The following SUGCT variants were observed in gnomAD, a reference collection of about 807,000 sequenced individuals.
SUGCT encodes succinyl-CoA:glutarate-CoA transferase, also known as succinyl-CoA:glutarate CoA-transferase.
In SUGCT, 41 loss-of-function variants were observed where a neutral mutation model predicts 55.0. That is an observed-to-expected ratio of 0.74 (90% CI 0.58 to 0.97). The LOEUF is 0.97. Ranked by LOEUF, SUGCT falls within the 50% of genes least tolerant of loss-of-function variation. SUGCT has a pLI of 0.00. For missense variants in SUGCT, 568 were observed against 547.8 expected, an observed-to-expected ratio of 1.04 and a Z score of -0.37; for synonymous variants, 187 against 200.4, an observed-to-expected ratio of 0.93 and a Z score of 0.56.
At chr7:40,887,358 C>T in the SUGCT span, among the ~76,000 whole-genome samples, 2 of 152,140 alleles carry the variant, frequency 1.3e-5, no homozygotes, top group African/African-American at 4.8e-5. Context: ...TAGGAAACTA[C>T]TGTAGTAGTA....
intron 12 of SUGCT, among the ~76,000 whole-genome samples, chr7:40,631,918 A>G (rs1211071396): frequency 6.6e-6 from 1 of 152,128 alleles, no homozygotes; most frequent in Admixed American, 6.6e-5. Flanking sequence ...ACTTTTGATA[A>G]TCCAGGGTCA....
intron 12 of SUGCT, 132 bp downstream of exon 12, chr7:40,496,518 G>A (rs1008803584): frequency 1.9e-5 from 13 of 685,172 alleles, no homozygotes; most frequent in Non-Finnish European, 3.1e-5. Context: ...TTGTTTGTGG[G>A]TCTGAGATAA....
At chr7:40,785,159 T>C (rs988008452) in intron 13 of SUGCT, 9 of 152,150 alleles carry the variant, frequency 5.9e-5, no homozygotes, top group African/African-American at 2.2e-4. Flanking sequence ...TACACAAAAT[T>C]GATATCAACC....
chr7:40,172,362 A>G (rs1386983832), intron 1 of SUGCT, among the ~76,000 whole-genome samples: 1 of 152,164 alleles, frequency 6.6e-6, no homozygotes, highest in Non-Finnish European at 1.5e-5. Flanking sequence ...GCCCATGTCA[A>G]GAGCTATATA....
intron 7 of SUGCT, among the ~76,000 whole-genome samples, chr7:40,272,355 T>C (rs1001008741): frequency 1.3e-5 from 2 of 149,604 alleles, no homozygotes; most frequent in Non-Finnish European, 3.0e-5. Flanking sequence ...TTTTGTATTT[T>C]TTGGTAGAGA....
the SUGCT span, among the ~76,000 whole-genome samples, chr7:41,010,330 T>C: frequency 6.6e-6 from 1 of 152,146 alleles, no homozygotes; most frequent in Non-Finnish European, 1.5e-5. Flanking sequence ...AAACACAAGC[T>C]TTGCCCAAAT....
chr7:40,829,538 T>C (rs953777193), intron 13 of SUGCT, among the ~76,000 whole-genome samples: 46 of 152,180 alleles, frequency 3.0e-4, no homozygotes, highest in African/African-American at 1.1e-3. Flanking sequence ...GTATTCAGCA[T>C]GTTTTGAAAT....
chr7:40,277,564 G>A (rs1792601740), intron 8 of SUGCT, among the ~76,000 whole-genome samples: 1 of 152,040 alleles, frequency 6.6e-6, no homozygotes, highest in Admixed American at 6.6e-5. Context: ...TTAAGGCAAA[G>A]AATATGTCTC....
At chr7:40,982,924 C>G in the SUGCT span, among the ~76,000 whole-genome samples, 449 of 152,328 alleles carry the variant, frequency 2.9e-3, 1 homozygote, top group Non-Finnish European at 4.6e-3. Context: ...TCTGGGATTA[C>G]AGGCATGAGC....
chr7:40,605,306 G>A (rs1214509772), intron 12 of SUGCT, among the ~76,000 whole-genome samples: 1 of 152,138 alleles, frequency 6.6e-6, no homozygotes, highest in Non-Finnish European at 1.5e-5. Context: ...CAGTTCAGTG[G>A]CACAATACAC....
At chr7:40,659,904 C>T (rs1801219092) in intron 12 of SUGCT, among the ~76,000 whole-genome samples, 1 of 152,146 alleles carries the variant, frequency 6.6e-6, no homozygotes, top group Admixed American at 6.5e-5. Flanking sequence ...CATTTCTCTT[C>T]TCTTCTTGTT....
intron 11 of SUGCT, among the ~76,000 whole-genome samples, chr7:40,464,724 C>T (rs1179029075): frequency 6.6e-6 from 1 of 152,166 alleles, no homozygotes; most frequent in African/African-American, 2.4e-5. Flanking sequence ...GTAGTCCCAG[C>T]TACTTTGGGA....
At chr7:40,670,169 C>CAAAAAAAAAAAAAAAAAA (rs34786531) in intron 12 of SUGCT, among the ~76,000 whole-genome samples, 6 of 58,236 alleles carry the variant, frequency 1.0e-4, no homozygotes, top group South Asian at 1.8e-3. Flanking sequence ...GACTCCATCT[C>CAAAAAAAAAAAAAAAAAA]AAAAAAAAAA....
intron 12 of SUGCT, among the ~76,000 whole-genome samples, chr7:40,516,005 C>T (rs1393996123): frequency 3.5e-4 from 53 of 152,072 alleles, no homozygotes; most frequent in Non-Finnish European, 1.5e-5. Context: ...CCCTCTCTTC[C>T]TTCTTCCCTT....
At chr7:40,813,524 T>A (rs1288316047) in intron 13 of SUGCT, among the ~76,000 whole-genome samples, 1 of 152,194 alleles carries the variant, frequency 6.6e-6, no homozygotes, top group African/African-American at 2.4e-5. Context: ...GATATAAAGA[T>A]GGGAAGCAAC....
intron 1 of SUGCT, among the ~76,000 whole-genome samples, chr7:40,172,036 T>G (rs190715669): frequency 6.6e-6 from 1 of 152,310 alleles, no homozygotes; most frequent in Non-Finnish European, 1.5e-5. Context: ...TAGATGGATT[T>G]TGGGAACACG....
intron 7 of SUGCT, among the ~76,000 whole-genome samples, chr7:40,266,175 C>CTTTTT (rs1791560047): frequency 1.0e-5 from 1 of 95,520 alleles, no homozygotes; most frequent in African/African-American, 4.3e-5. Flanking sequence ...CTTTTCTTTT[C>CTTTTT]TTTCCTTTCC....
At chr7:40,960,822 A>T in the SUGCT span, among the ~76,000 whole-genome samples, 1 of 152,188 alleles carries the variant, frequency 6.6e-6, no homozygotes, top group Non-Finnish European at 1.5e-5. Context: ...ATACCAGCAC[A>T]TTGCTTCTCT....
intron 12 of SUGCT, among the ~76,000 whole-genome samples, chr7:40,670,442 CGTACTAAT>C (rs1554399187): frequency 6.6e-6 from 1 of 152,018 alleles, no homozygotes; most frequent in Non-Finnish European, 1.5e-5. Flanking sequence ...GGAGAAAGAA[CGTACTAAT>C]GTCAGAAATA....
Sources: gnomAD v4.1 joint callset for allele counts (sites outside exome capture counted in the v4.1 genomes callset) on GRCh38, gnomAD v4.1.1 for gene constraint, MANE v1.5 for transcripts, NCBI Gene and HGNC (gene_info 2026-07-23, HGNC 2026-07-21) for gene names.